SLC35F4: variants seen among roughly 807,000 people sequenced by gnomAD.
SLC35F4 encodes solute carrier family 35 member F4, also known as chromosome 14 open reading frame 36.
SLC35F4 carries 24 observed loss-of-function variants against 44.2 expected under a neutral mutation model. The ratio of observed to expected loss-of-function variants is 0.54; its 90% CI spans 0.39 to 0.76. The LOEUF (loss-of-function observed/expected upper bound fraction) is 0.76. Among genes scored for constraint, SLC35F4 ranks in the 30% least tolerant of loss-of-function variants. SLC35F4 has a pLI of 0.00. For missense variants in SLC35F4, 562 were observed against 586.1 expected (o/e 0.96, Z 0.42); for synonymous variants, 238 against 223.6 (o/e 1.06, Z -0.57).
intron 1 of SLC35F4, among the ~76,000 whole-genome samples, chr14:57,944,575 A>G (rs1889974381): frequency 6.6e-6 from 1 of 152,026 alleles, no homozygotes; most frequent in Admixed American, 6.6e-5. Context: ...CAGGTATGAA[A>G]GTTGTCAAAA....
At chr14:57,622,536 G>A (rs2072240946) in intron 1 of SLC35F4, among the ~76,000 whole-genome samples, 1 of 150,644 alleles carries the variant, frequency 6.6e-6, no homozygotes. Flanking sequence ...GGATGAAATT[G>A]GAAATCATCA....
rs549941572 is a variant in SLC35F4, at chr14:57,674,230, T to C, written c.104-80106A>G. Among the ~76,000 whole-genome samples, 41 of 152,182 alleles carry C rather than the reference T, an allele frequency of 2.7e-4. 1 individual carries two copies. The South Asian group carries it at 8.3e-3, about 31-fold the overall frequency. ...GGGCAACATCAAATATTGGCAAAGT[T>C]ATAGAGCAATTAGACATCTCATACA... On this transcript the variant is annotated intron_variant, in intron 1 of 7. Transcript: ENST00000556826.
intron 1 of SLC35F4, among the ~76,000 whole-genome samples, chr14:57,646,585 T>C (rs187624083): frequency 1.6e-3 from 239 of 152,350 alleles, no homozygotes; most frequent in Non-Finnish European, 2.9e-3. Flanking sequence ...CCTGGATTCA[T>C]TGATTTTTTG....
chr14:57,951,122 T>A (rs768408102), intron 1 of SLC35F4, among the ~76,000 whole-genome samples: 1 of 152,118 alleles, frequency 6.6e-6, no homozygotes, highest in African/African-American at 2.4e-5. Flanking sequence ...TCATTGGGAC[T>A]GGTTAGACAA....
At chr14:57,651,209 C>G (rs1343219746) in intron 1 of SLC35F4, among the ~76,000 whole-genome samples, 4 of 152,180 alleles carry the variant, frequency 2.6e-5, no homozygotes, top group African/African-American at 9.7e-5. Context: ...CAAAACATGT[C>G]AGTTGACTGA....
chr14:57,825,162 G>A (rs923272518), intron 1 of SLC35F4, among the ~76,000 whole-genome samples: 1 of 152,134 alleles, frequency 6.6e-6, no homozygotes, highest in African/African-American at 2.4e-5. Flanking sequence ...TGAGCCTCTG[G>A]AAGGTGGGGC....
intron 1 of SLC35F4, among the ~76,000 whole-genome samples, chr14:57,836,153 A>C (rs1449541479): frequency 6.6e-6 from 1 of 152,240 alleles, no homozygotes; most frequent in African/African-American, 2.4e-5. Flanking sequence ...AGTGTTTTGC[A>C]GACTTCAGTA....
intron 1 of SLC35F4, among the ~76,000 whole-genome samples, chr14:57,922,447 T>C (rs2141058876): frequency 1.3e-5 from 2 of 152,304 alleles, no homozygotes; most frequent in African/African-American, 2.4e-5. Context: ...TACTAATTGA[T>C]GGTGAGATGA....
intron 1 of SLC35F4, among the ~76,000 whole-genome samples, chr14:57,881,777 G>C (rs890035969): frequency 1.9e-4 from 28 of 150,396 alleles, no homozygotes; most frequent in African/African-American, 7.0e-4. Context: ...CTACTATGTA[G>C]ATTTGGGGTT....
At chr14:57,853,279 C>T (rs560270528) in intron 1 of SLC35F4, among the ~76,000 whole-genome samples, 33 of 152,218 alleles carry the variant, frequency 2.2e-4, no homozygotes, top group Non-Finnish European at 4.0e-4. Flanking sequence ...TCTATAAGTT[C>T]ATTACATATT....
At chr14:57,931,534 A>G (rs1889696508) in intron 1 of SLC35F4, among the ~76,000 whole-genome samples, 1 of 152,232 alleles carries the variant, frequency 6.6e-6, no homozygotes, top group Admixed American at 6.5e-5. Context: ...CCCATTAAAA[A>G]TGAGAAACTA....
chr14:57,638,213 T>C (rs571889537), intron 1 of SLC35F4, among the ~76,000 whole-genome samples: 1 of 152,168 alleles, frequency 6.6e-6, no homozygotes, highest in African/African-American at 2.4e-5. Context: ...AGCTACAGCT[T>C]TGATTGGTTA....
chr14:57,883,965 T>C (rs965483505), intron 1 of SLC35F4, among the ~76,000 whole-genome samples: 2 of 152,160 alleles, frequency 1.3e-5, no homozygotes, highest in Admixed American at 6.5e-5. Flanking sequence ...AAATGACAAA[T>C]GCAAAGAGAA....
chr14:57,703,374 G>T (rs1274309134), intron 1 of SLC35F4, among the ~76,000 whole-genome samples: 1 of 152,170 alleles, frequency 6.6e-6, no homozygotes, highest in Non-Finnish European at 1.5e-5. Context: ...TGCAGTGCAT[G>T]GCTCTCAAAT....
intron 1 of SLC35F4, among the ~76,000 whole-genome samples, chr14:57,764,974 A>G (rs1715954437): frequency 6.6e-6 from 1 of 152,204 alleles, no homozygotes; most frequent in South Asian, 2.1e-4. Flanking sequence ...GTTTTAAATT[A>G]TTATAAAATT....
At chr14:57,724,746 G>A (rs147380226) in intron 1 of SLC35F4, among the ~76,000 whole-genome samples, 1 of 152,158 alleles carries the variant, frequency 6.6e-6, no homozygotes, top group Non-Finnish European at 1.5e-5. Context: ...AGATGGTTCT[G>A]CACGATATGC....
At chr14:57,788,343 G>A in intron 1 of SLC35F4, among the ~76,000 whole-genome samples, 1 of 152,042 alleles carries the variant, frequency 6.6e-6, no homozygotes, top group East Asian at 1.9e-4. Context: ...TCCACCGACA[G>A]CACTAGACAG....
At chr14:57,763,853 C>T (rs1262941934) in intron 1 of SLC35F4, among the ~76,000 whole-genome samples, 2 of 152,074 alleles carry the variant, frequency 1.3e-5, no homozygotes, top group African/African-American at 4.8e-5. Context: ...AGAAGTGTTA[C>T]CAAGAAGTGT....
At chr14:57,610,553 C>G (rs1412607555) in intron 1 of SLC35F4, among the ~76,000 whole-genome samples, 1 of 152,208 alleles carries the variant, frequency 6.6e-6, no homozygotes, top group Non-Finnish European at 1.5e-5. Flanking sequence ...ACCACAGAAT[C>G]TAACCCTTCG....
Sources: gnomAD v4.1 joint callset for allele counts (sites outside exome capture counted in the v4.1 genomes callset) on GRCh38, gnomAD v4.1.1 for gene constraint, MANE v1.5 for transcripts, NCBI Gene and HGNC (gene_info 2026-07-23, HGNC 2026-07-21) for gene names.